The following LGR4 variants were observed in gnomAD, a reference collection of about 807,000 sequenced individuals.
LGR4 encodes leucine-rich repeat-containing G protein-coupled receptor 4.
In LGR4, 44 loss-of-function variants were observed where a neutral mutation model predicts 84.8. The observed-to-expected ratio is 0.52, with a 90% CI of 0.41 to 0.67. LGR4 has a LOEUF of 0.67. Among genes scored for constraint, LGR4 ranks in the 30% least tolerant of loss-of-function variants. LGR4 has a pLI of 0.00. For synonymous variants in LGR4, 429 were observed against 434.3 expected (o/e 0.99, Z 0.15); for missense variants, 1,032 against 1,131.4 (o/e 0.91, Z 1.26).
At chr11:27,408,071 T>C (rs1471140818) in intron 2 of LGR4, among the ~76,000 whole-genome samples, 2 of 152,160 alleles carry the variant, frequency 1.3e-5, no homozygotes, top group Non-Finnish European at 2.9e-5. Context: ...GTTATTATCA[T>C]GGATTGAATT....
At chr11:27,409,183 G>A (rs1280652672) in intron 2 of LGR4, among the ~76,000 whole-genome samples, 3 of 152,034 alleles carry the variant, frequency 2.0e-5, no homozygotes, top group African/African-American at 7.2e-5. Flanking sequence ...ATTTTCCTGA[G>A]AACAAATACA....
chr11:27,431,068 C>A (rs976244669), intron 1 of LGR4, among the ~76,000 whole-genome samples: 1 of 152,076 alleles, frequency 6.6e-6, no homozygotes, highest in Admixed American at 6.6e-5. Context: ...CCTAAAATGG[C>A]CCCCAGTAAA....
intron 2 of LGR4, among the ~76,000 whole-genome samples, chr11:27,411,003 G>A (rs1863699735): frequency 6.6e-6 from 1 of 152,058 alleles, no homozygotes; most frequent in African/African-American, 2.4e-5. Context: ...TCCACATCCA[G>A]GTCTTCACTT....
chr11:27,422,474 AG>A (rs1483897473), intron 1 of LGR4, among the ~76,000 whole-genome samples: 6 of 152,240 alleles, frequency 3.9e-5, no homozygotes, highest in African/African-American at 1.4e-4. Context: ...GAAAGAGGAA[AG>A]AATAGAACAG....
intron 1 of LGR4, among the ~76,000 whole-genome samples, chr11:27,453,193 C>T (rs548780107): frequency 3.3e-5 from 5 of 151,960 alleles, no homozygotes; most frequent in Non-Finnish European, 4.4e-5. Context: ...CTCAGCCTCC[C>T]GAGTAGCTGG....
intron 2 of LGR4, among the ~76,000 whole-genome samples, chr11:27,403,804 TA>T (rs1357097187): frequency 3.3e-5 from 5 of 152,238 alleles, no homozygotes; most frequent in African/African-American, 1.2e-4. Flanking sequence ...AATTGTTTTT[TA>T]AAAGTCCAGT....
At chr11:27,413,324 A>G (rs1863745831) in intron 1 of LGR4, among the ~76,000 whole-genome samples, 2 of 152,104 alleles carry the variant, frequency 1.3e-5, no homozygotes. Context: ...AAAACCTATA[A>G]AAGTCCTCCA....
At chr11:27,380,552 G>A in intron 9 of LGR4, 88 bp downstream of exon 9, 2 of 974,026 alleles carry the variant, frequency 2.1e-6, no homozygotes, top group Non-Finnish European at 3.1e-6. Flanking sequence ...TAAAGATTTT[G>A]TTTTCTGGAG....
At chr11:27,448,116 T>A (rs1165110523) in intron 1 of LGR4, among the ~76,000 whole-genome samples, 2 of 152,156 alleles carry the variant, frequency 1.3e-5, no homozygotes, top group African/African-American at 4.8e-5. Context: ...AACAAATGTG[T>A]GGTAAAATCA....
intron 1 of LGR4, among the ~76,000 whole-genome samples, chr11:27,449,701 A>G (rs1226523757): frequency 6.6e-6 from 1 of 152,232 alleles, no homozygotes; most frequent in African/African-American, 2.4e-5. Flanking sequence ...GTTGACAATT[A>G]TATCATTTCT....
chr11:27,381,366 T>C (rs1368933502), intron 7 of LGR4, among the ~76,000 whole-genome samples: 2 of 152,160 alleles, frequency 1.3e-5, no homozygotes, highest in Non-Finnish European at 1.5e-5. Flanking sequence ...CCATATACAG[T>C]CACTAACTCT....
chr11:27,458,664 G>A (rs887499209), intron 1 of LGR4, among the ~76,000 whole-genome samples: 3 of 151,688 alleles, frequency 2.0e-5, no homozygotes, highest in African/African-American at 4.8e-5. Flanking sequence ...TCAGCCTCCC[G>A]AGTAGCTAGG....
intron 4 of LGR4, among the ~76,000 whole-genome samples, chr11:27,386,495 A>C (rs1242351315): frequency 1.3e-5 from 2 of 152,204 alleles, no homozygotes; most frequent in African/African-American, 4.8e-5. Flanking sequence ...AAACTGGTTA[A>C]AAATTCAAAA....
In LGR4 at chr11:27,366,080, G is replaced by A. The variant is rs1862758424; in HGVS notation, c.*1787C>T. 1 of 152,434 alleles carries A rather than the reference G, an allele frequency of 6.6e-6. No individual in the cohort carries two copies. Among genetic ancestry groups the A allele is most frequent in the Non-Finnish European group, 1.5e-5 (1 of 67,930 alleles). 9.4% of individuals were successfully genotyped at this position (152,434 alleles called of 1,614,324 possible). On this transcript the variant is annotated 3_prime_UTR_variant, in exon 18 of 18. Transcript: ENST00000379214. Reference sequence around the variant, plus strand: ...ATTCTAGTTTTTAAATGAATAAAATGAAAAGTTTTCAATAACCTGAATTTT... The same window carrying A: ...ATTCTAGTTTTTAAATGAATAAAATAAAAAGTTTTCAATAACCTGAATTTT...
chr11:27,472,069 T>TG, intron 1 of LGR4, 49 bp downstream of exon 1: 17 of 876,994 alleles, frequency 1.9e-5, no homozygotes, highest in East Asian at 4.9e-5. Context: ...CGCCCCCCGC[T>TG]GGGCCCCGTT....
intron 1 of LGR4, among the ~76,000 whole-genome samples, chr11:27,470,759 C>T (rs1864856033): frequency 6.9e-6 from 1 of 145,070 alleles, no homozygotes; most frequent in African/African-American, 2.6e-5. Context: ...TAACCTGAGA[C>T]AGGAAAAATA....
At position 27,418,486 on chromosome 11, in the gene LGR4, G is replaced by C. The variant is rs186029163; in HGVS notation, c.186-5626C>G. ...CAGTAGGATAAACTGGCTCCATGCT[G>C]TCTGACATCTTCTGTTTTTTTCAGG... is the stretch of plus-strand genomic sequence containing the variant. On this transcript the variant is annotated intron_variant, in intron 1 of 17. Coordinates refer to ENST00000379214, the MANE Select transcript of LGR4 (RefSeq NM_018490.5). 3.9e-5 allele frequency among the ~76,000 whole-genome samples: 6 copies of C among 152,278 alleles called. No individual in the cohort carries two copies. The East Asian group carries it at 1.2e-3, about 29-fold the overall frequency.
At chr11:27,460,383 G>C (rs1864659655) in intron 1 of LGR4, among the ~76,000 whole-genome samples, 2 of 152,130 alleles carry the variant, frequency 1.3e-5, no homozygotes, top group Non-Finnish European at 2.9e-5. Context: ...AGTTTTCAAG[G>C]CCTATCCTAC....
At chr11:27,419,731 C>T (rs1863891241) in intron 1 of LGR4, among the ~76,000 whole-genome samples, 1 of 151,102 alleles carries the variant, frequency 6.6e-6, no homozygotes. Flanking sequence ...TATGTCTATA[C>T]AATGGAATGT....
Sources: gnomAD v4.1 joint callset for allele counts (sites outside exome capture counted in the v4.1 genomes callset) on GRCh38, gnomAD v4.1.1 for gene constraint, MANE v1.5 for transcripts, NCBI Gene and HGNC (gene_info 2026-07-23, HGNC 2026-07-21) for gene names.